The following TRIP4 variants were observed in gnomAD, a reference collection of about 807,000 sequenced individuals.
TRIP4 encodes the protein activating signal cointegrator 1.
TRIP4 carries 54 observed loss-of-function variants against 81.8 expected under a neutral mutation model. That is an observed-to-expected ratio of 0.66 (90% CI 0.53 to 0.83). TRIP4 has a LOEUF of 0.83. Among genes scored for constraint, TRIP4 ranks in the 40% least tolerant of loss-of-function variants. The pLI is 0.00. For missense variants in TRIP4, 662 were observed against 683.6 expected, an observed-to-expected ratio of 0.97 and a Z score of 0.35; for synonymous variants, 270 against 242.8, an observed-to-expected ratio of 1.11 and a Z score of -1.04.
chr15:64,426,086 GA>G lies in TRIP4; in HGVS notation c.1575+465del, dbSNP rs200258067. Among the ~76,000 whole-genome samples the G allele has an allele frequency of 1.1e-3, 156 of 147,022 alleles. 1 individual carries two copies. Among genetic ancestry groups the G allele is most frequent in the Admixed American group, 2.3e-3 (34 of 14,748 alleles). ...CAACCGAGTGAGATTCCTTCTGGGG[GA>G]AAAAAAAAAGCTATTGCCACAATGC... On this transcript the variant is annotated intron_variant, in intron 11 of 12. Transcript: ENST00000261884.
At position 64,424,117 on chromosome 15, in the gene TRIP4, C is replaced by T; in HGVS notation, c.1445C>T (p.Ser482Leu). ...AAAAAACCCTCCCCTCAAGAAGTCT[C>T]AGAACTCCAGGCTACATATCGTCTT... The part of the protein sequence containing the change: ...TAKKPSPQEV[S>L]ELQATYRLLR... Residue 482 changes from serine (S) to leucine (L), a missense_variant, in exon 10 of 13, where the codon TCA (serine) becomes TTA (leucine). Ser to Leu is a moderately radical substitution (Grantham distance 145). Transcript: ENST00000261884. 3.7e-6 allele frequency: 6 copies of T among 1,614,196 alleles called. No homozygotes were observed. Among genetic ancestry groups the T allele is most frequent in the Non-Finnish European group, 5.1e-6 (6 of 1,180,040 alleles).
chr15:64,400,884 T>C (rs529158551), intron 5 of TRIP4, 63 bp downstream of exon 5: 3 of 1,352,464 alleles, frequency 2.2e-6, no homozygotes, highest in African/African-American at 1.4e-5. Context: ...TCTGTGGTTG[T>C]TTCTCTTTTC....
chr15:64,437,782 C>A (rs1892436279), intron 11 of TRIP4, among the ~76,000 whole-genome samples: 1 of 152,120 alleles, frequency 6.6e-6, no homozygotes, highest in African/African-American at 2.4e-5. Context: ...GCCTGAGCCA[C>A]CACACCCAGC....
chr15:64,455,275 A>G lies in TRIP4; in HGVS notation c.*211A>G, dbSNP rs979136073. ...TGGGGTCGAAATCTTTGAACACATT[A>G]TTTATAAAAACCTGTTTAAAAATTC... On this transcript the variant is annotated 3_prime_UTR_variant, in exon 13 of 13. Coordinates refer to ENST00000261884, the MANE Select transcript of TRIP4 (RefSeq NM_016213.5). 3 of 420,586 alleles carry G rather than the reference A, an allele frequency of 7.1e-6. No individual in the cohort carries two copies. The highest frequency in any genetic ancestry group is 4.2e-5 in the Admixed American group (1 of 23,856). 26.1% of individuals were successfully genotyped at this position (420,586 alleles called of 1,614,324 possible).
At chr15:64,418,838 C>T (rs11858922) in intron 9 of TRIP4, 110 bp downstream of exon 9, 10 of 1,000,322 alleles carry the variant, frequency 1.0e-5, no homozygotes, top group African/African-American at 1.6e-5. Flanking sequence ...ATTTATAATA[C>T]TCTTCAATAA....
intron 11 of TRIP4, among the ~76,000 whole-genome samples, chr15:64,441,850 C>T (rs1892524743): frequency 6.6e-6 from 1 of 152,092 alleles, no homozygotes; most frequent in South Asian, 2.1e-4. Flanking sequence ...GAATTTGGTG[C>T]TCTGATTTTA....
At position 64,424,165 on chromosome 15, in the gene TRIP4, G is replaced by A. The variant is rs369682984; in HGVS notation, c.1483+10G>A. Reference sequence around the variant, plus strand: ...CTTCTTCGTGGGAAAGGTAACAGCCGCATATTCTCCTTTCAATTTTACTTT... The same window carrying A: ...CTTCTTCGTGGGAAAGGTAACAGCCACATATTCTCCTTTCAATTTTACTTT... On this transcript the variant is annotated intron_variant, in intron 10 of 12. Coordinates refer to ENST00000261884, the MANE Select transcript of TRIP4 (RefSeq NM_016213.5). 2.4e-5 allele frequency: 38 copies of A among 1,613,604 alleles called. No homozygotes were observed. Among genetic ancestry groups the A allele is most frequent in the South Asian group, 3.3e-5 (3 of 91,062 alleles).
intron 9 of TRIP4, among the ~76,000 whole-genome samples, chr15:64,420,497 T>C (rs1891987688): frequency 6.6e-6 from 1 of 151,710 alleles, no homozygotes; most frequent in Non-Finnish European, 1.5e-5. Flanking sequence ...CTTTCACTTA[T>C]CATTACAACA....
At chr15:64,439,978 AT>A (rs1229018584) in intron 11 of TRIP4, among the ~76,000 whole-genome samples, 1 of 152,106 alleles carries the variant, frequency 6.6e-6, no homozygotes, top group Non-Finnish European at 1.5e-5. Flanking sequence ...GAAAATGCCC[AT>A]TTTCCACTGA....
chr15:64,423,996 T>A, intron 9 of TRIP4, 35 bp from the exon 10 acceptor site: 1 of 1,612,002 alleles, frequency 6.2e-7, no homozygotes, highest in Non-Finnish European at 8.5e-7. Context: ...AAACTAGAAT[T>A]TATATCCTTC....
intron 2 of TRIP4, among the ~76,000 whole-genome samples, chr15:64,394,552 C>T (rs551586178): frequency 6.8e-6 from 1 of 146,268 alleles, no homozygotes; most frequent in Admixed American, 7.1e-5. Context: ...TTGCAGTGAG[C>T]TGAGATAGCA....
intron 11 of TRIP4, among the ~76,000 whole-genome samples, chr15:64,439,512 CTTTTTTTTTTTTTT>C (rs71895300): frequency 1.5e-4 from 7 of 47,930 alleles, no homozygotes; most frequent in African/African-American, 7.0e-4. Flanking sequence ...ACTTATAAAT[CTTTTTTTTTTTTTT>C]TTTTTTTTTT....
intron 11 of TRIP4, among the ~76,000 whole-genome samples, chr15:64,430,898 G>T (rs1892255617): frequency 6.6e-6 from 1 of 152,150 alleles, no homozygotes; most frequent in Non-Finnish European, 1.5e-5. Flanking sequence ...CAATAGGGAA[G>T]AGAATATTAC....
chr15:64,390,359 G>A (rs902160509), intron 1 of TRIP4, among the ~76,000 whole-genome samples: 5 of 151,188 alleles, frequency 3.3e-5, no homozygotes, highest in Non-Finnish European at 5.9e-5. Flanking sequence ...TTACTCGGAA[G>A]GCTGAGGCAG....
intron 1 of TRIP4, among the ~76,000 whole-genome samples, chr15:64,392,238 CAGTGAGCTG>C (rs1422789602): frequency 1.3e-5 from 2 of 151,964 alleles, no homozygotes; most frequent in Non-Finnish European, 2.9e-5. Flanking sequence ...ATGGAGTTTG[CAGTGAGCTG>C]AGATCGCACC....
At position 64,450,563 on chromosome 15, in the gene TRIP4, A is replaced by T. The variant is rs149266128; in HGVS notation, c.1679-4434A>T. On this transcript the variant is annotated intron_variant, in intron 12 of 12. Transcript: ENST00000261884. ...CATCATTGCCCACAGCTGGCCCAAG[A>T]GTTGCCTCTATTGGCAATCACTCTG... is the stretch of plus-strand genomic sequence containing the variant. 465 of 414,874 alleles carry T rather than the reference A, an allele frequency of 1.1e-3. 1 individual carries two copies. Among genetic ancestry groups the T allele is most frequent in the African/African-American group, 8.9e-3 (441 of 49,276 alleles). 25.7% of individuals were successfully genotyped at this position (414,874 alleles called of 1,614,324 possible). A position where few individuals can be genotyped will look rare whatever the true frequency, so the allele number is the denominator to read the frequency against.
At chr15:64,417,824 G>A (rs1445434891) in intron 8 of TRIP4, among the ~76,000 whole-genome samples, 1 of 152,174 alleles carries the variant, frequency 6.6e-6, no homozygotes, top group African/African-American at 2.4e-5. Flanking sequence ...CTAAGCACAT[G>A]CAGAATTGTG....
chr15:64,405,852 C>G (rs1000173813), intron 5 of TRIP4, among the ~76,000 whole-genome samples: 2 of 152,094 alleles, frequency 1.3e-5, no homozygotes, highest in Non-Finnish European at 2.9e-5. Context: ...AAAATTCAGA[C>G]ACAATGGCAT....
At chr15:64,408,774 C>G (rs1891691945) in intron 6 of TRIP4, among the ~76,000 whole-genome samples, 1 of 152,106 alleles carries the variant, frequency 6.6e-6, no homozygotes, top group South Asian at 2.1e-4. Context: ...ATCAAGATTC[C>G]TTCCAGGTTT....
Sources: allele counts gnomAD v4.1 joint callset (sites outside exome capture counted in the v4.1 genomes callset), GRCh38; gene constraint gnomAD v4.1.1; transcripts MANE v1.5; gene names NCBI Gene and HGNC (gene_info 2026-07-23, HGNC 2026-07-21).